RABGAP1L: variants seen among roughly 807,000 people sequenced by gnomAD.
The protein encoded by RABGAP1L is rab GTPase-activating protein 1-like.
In RABGAP1L, 63 loss-of-function variants were observed where a neutral mutation model predicts 137.7. That is an observed-to-expected ratio of 0.46 (90% CI 0.37 to 0.56). The LOEUF is 0.56. Among genes scored for constraint, RABGAP1L ranks in the 20% least tolerant of loss-of-function variants. RABGAP1L has a pLI of 0.00. For synonymous variants in RABGAP1L, 431 were observed against 433.7 expected (o/e 0.99, Z 0.08); for missense variants, 1,095 against 1,244.0 (o/e 0.88, Z 1.80).
chr1:174,695,827 C>T (rs1480939602), intron 15 of RABGAP1L, among the ~76,000 whole-genome samples: 1 of 152,158 alleles, frequency 6.6e-6, no homozygotes, highest in Non-Finnish European at 1.5e-5. Flanking sequence ...TAGGGGATGC[C>T]CCAAGCCAAA....
intron 11 of RABGAP1L, among the ~76,000 whole-genome samples, chr1:174,350,068 G>T (rs1233715860): frequency 7.4e-6 from 1 of 135,742 alleles, no homozygotes; most frequent in Non-Finnish European, 1.6e-5. Flanking sequence ...CCCGGACGGG[G>T]CGGCTGGCTG....
rs371484572 is a variant in RABGAP1L, at chr1:174,911,091, T to G, written c.2341-46366T>G. ...CTCGTGCTTATTAGCCATTTGTATATCTTCTTTGGAGAAATATCTATTCAG... is the reference window on the plus strand; with the variant it reads ...CTCGTGCTTATTAGCCATTTGTATAGCTTCTTTGGAGAAATATCTATTCAG... On this transcript the variant is annotated intron_variant, in intron 19 of 25. Coordinates refer to ENST00000681986, the MANE Select transcript of RABGAP1L (RefSeq NM_001366446.1). 1.4e-4 allele frequency among the ~76,000 whole-genome samples: 21 copies of G among 152,330 alleles called. 1 individual carries two copies. Among genetic ancestry groups the G allele is most frequent in the African/African-American group, 5.1e-4 (21 of 41,582 alleles).
At chr1:174,310,773 A>C (rs1242397432) in intron 11 of RABGAP1L, among the ~76,000 whole-genome samples, 1 of 152,118 alleles carries the variant, frequency 6.6e-6, no homozygotes. Context: ...GTATTTTGGT[A>C]AAGAATGCAG....
chr1:174,503,778 A>C (rs1034419079), intron 13 of RABGAP1L, among the ~76,000 whole-genome samples: 4 of 152,094 alleles, frequency 2.6e-5, no homozygotes, highest in African/African-American at 9.7e-5. Flanking sequence ...GCTACAAAAA[A>C]ATTACTCAGG....
At chr1:174,296,867 T>C (rs1677174532) in intron 10 of RABGAP1L, among the ~76,000 whole-genome samples, 1 of 152,236 alleles carries the variant, frequency 6.6e-6, no homozygotes, top group Admixed American at 6.5e-5. Context: ...TGCATCTTTA[T>C]CCATAAGGTG....
At chr1:174,718,563 C>A (rs1458722164) in intron 17 of RABGAP1L, among the ~76,000 whole-genome samples, 1 of 152,166 alleles carries the variant, frequency 6.6e-6, no homozygotes, top group Non-Finnish European at 1.5e-5. Context: ...TTACCCAATT[C>A]TTAATGTTTA....
At chr1:174,880,073 A>T (rs1017284626) in intron 19 of RABGAP1L, among the ~76,000 whole-genome samples, 2 of 144,212 alleles carry the variant, frequency 1.4e-5, no homozygotes, top group Non-Finnish European at 2.9e-5. Context: ...TCAAAAAAAA[A>T]AAAAGGAAAA....
At chr1:174,300,637 G>C (rs532272222) in intron 10 of RABGAP1L, among the ~76,000 whole-genome samples, 2 of 152,092 alleles carry the variant, frequency 1.3e-5, no homozygotes, top group South Asian at 2.1e-4. Context: ...TTGAAGCCAG[G>C]CCTGGTGGCT....
At chr1:174,619,059 A>T (rs1425411318) in intron 13 of RABGAP1L, among the ~76,000 whole-genome samples, 1 of 152,250 alleles carries the variant, frequency 6.6e-6, no homozygotes, top group African/African-American at 2.4e-5. Context: ...AATCAAATGA[A>T]TGAAATGAAG....
At chr1:174,435,628 A>G (rs1255390772) in intron 13 of RABGAP1L, among the ~76,000 whole-genome samples, 1 of 151,986 alleles carries the variant, frequency 6.6e-6, no homozygotes, top group Admixed American at 6.6e-5. Flanking sequence ...ATCATTTTGT[A>G]TATTCTTTAT....
chr1:174,213,647 TC>T (rs1669070290), intron 1 of RABGAP1L, among the ~76,000 whole-genome samples: 1 of 152,162 alleles, frequency 6.6e-6, no homozygotes, highest in African/African-American at 2.4e-5. Flanking sequence ...GTGGGATTTA[TC>T]CCAGGGATGC....
At chr1:174,507,152 G>A (rs537604781) in intron 13 of RABGAP1L, among the ~76,000 whole-genome samples, 1 of 152,296 alleles carries the variant, frequency 6.6e-6, no homozygotes, top group African/African-American at 2.4e-5. Flanking sequence ...AATTGACAAT[G>A]TTCACCTAAA....
intron 13 of RABGAP1L, among the ~76,000 whole-genome samples, chr1:174,543,826 A>G (rs1466922637): frequency 6.6e-6 from 1 of 152,106 alleles, no homozygotes; most frequent in Non-Finnish European, 1.5e-5. Flanking sequence ...CTTGTCTGTA[A>G]AGGATTTTAT....
intron 14 of RABGAP1L, among the ~76,000 whole-genome samples, chr1:174,672,912 C>T (rs1677294584): frequency 6.6e-6 from 1 of 152,092 alleles, no homozygotes; most frequent in African/African-American, 2.4e-5. Context: ...TTGTCATGAA[C>T]AAATCTCAGA....
chr1:174,877,344 CTCTT>C, intron 19 of RABGAP1L: 7 of 807,580 alleles, frequency 8.7e-6, no homozygotes, highest in South Asian at 2.9e-5. Flanking sequence ...TTTTTTCTTT[CTCTT>C]TCTTTCTTTC....
chr1:174,449,909 T>C (rs996408735), intron 13 of RABGAP1L, among the ~76,000 whole-genome samples: 3 of 152,196 alleles, frequency 2.0e-5, no homozygotes, highest in Non-Finnish European at 4.4e-5. Context: ...TCTCTTTTTC[T>C]TGATCTGCAT....
chr1:174,786,501 A>G (rs574668817), intron 18 of RABGAP1L, among the ~76,000 whole-genome samples: 3 of 152,348 alleles, frequency 2.0e-5, no homozygotes, highest in South Asian at 2.1e-4. Context: ...TCCATCCTGT[A>G]AAGCATATGG....
rs148638904 is a variant in RABGAP1L at position 174,413,674 on chromosome 1, C to G, written c.1710+19529C>G. Among the ~76,000 whole-genome samples the G allele has an allele frequency of 5.2e-3, 785 of 152,254 alleles. 8 individuals are homozygous for G. The highest frequency in any genetic ancestry group is 0.017 in the African/African-American group (696 of 41,546). ...TATTTTTTCTGTACCCTCCTCCCCCCCTTTCTCTATGGGTGAGACTGCAGA... is the reference window on the plus strand; with the variant it reads ...TATTTTTTCTGTACCCTCCTCCCCCGCTTTCTCTATGGGTGAGACTGCAGA... On this transcript the variant is annotated intron_variant, in intron 13 of 25. Coordinates refer to ENST00000681986, the MANE Select transcript of RABGAP1L (RefSeq NM_001366446.1).
intron 13 of RABGAP1L, among the ~76,000 whole-genome samples, chr1:174,606,488 A>G (rs1275303768): frequency 2.6e-5 from 4 of 152,316 alleles, no homozygotes; most frequent in African/African-American, 9.6e-5. Context: ...TTCTGTGACC[A>G]GAACATTTTT....
Sources: gnomAD v4.1 joint callset for allele counts (sites outside exome capture counted in the v4.1 genomes callset) on GRCh38, gnomAD v4.1.1 for gene constraint, MANE v1.5 for transcripts, NCBI Gene and HGNC (gene_info 2026-07-23, HGNC 2026-07-21) for gene names.